The following SPAG17 variants were observed in gnomAD, a reference collection of about 807,000 sequenced individuals.
SPAG17 encodes the protein sperm-associated antigen 17.
In SPAG17, 169 loss-of-function variants were observed where a neutral mutation model predicts 273.6. That is an observed-to-expected ratio of 0.62 (90% CI 0.55 to 0.70). SPAG17 has a LOEUF of 0.70. SPAG17 is among the 30% of genes least tolerant of loss of function. The pLI is 0.00. For synonymous variants in SPAG17, 825 were observed against 873.2 expected (o/e 0.94, Z 0.97); for missense variants, 2,557 against 2,627.8 (o/e 0.97, Z 0.59).
chr1:118,041,819 G>C lies in SPAG17; in HGVS notation c.3038C>G (p.Pro1013Arg), dbSNP rs755648340. The C allele has an allele frequency of 6.2e-7, 1 of 1,611,032 alleles. No individual in the cohort carries two copies. Among genetic ancestry groups the C allele is most frequent in the Non-Finnish European group, 8.5e-7 (1 of 1,179,296 alleles). The change falls in exon 21 of 49, where the codon CCT becomes CGT. Residue 1013 changes from proline to arginine, a missense_variant. Physicochemically the swap from Pro to Arg is moderately radical, Grantham distance 103. Coordinates refer to ENST00000336338, the MANE Select transcript of SPAG17 (RefSeq NM_206996.4). ...VTEESPHQPE[P>R]KITYPFHGYN... is the part of the protein sequence containing the mutation. Reference sequence around the variant, plus strand: ...GGAGTTTACCGGGTAAGTTATCTTAGGTTCTGGTTGGTGGGGGGACTCTTC... The same window carrying C: ...GGAGTTTACCGGGTAAGTTATCTTACGTTCTGGTTGGTGGGGGGACTCTTC...
chr1:117,996,109 G>A (rs1021829199), intron 34 of SPAG17, among the ~76,000 whole-genome samples: 3 of 152,070 alleles, frequency 2.0e-5, no homozygotes, highest in East Asian at 1.9e-4. Flanking sequence ...ACAAATCTGC[G>A]TATAGGAGAA....
At chr1:118,039,594 T>C (rs1649500259) in intron 22 of SPAG17, 150 bp from the exon 23 acceptor site, 3 of 777,398 alleles carry the variant, frequency 3.9e-6, no homozygotes, top group African/African-American at 3.5e-5. Flanking sequence ...CAGCTAAACA[T>C]TGAGCACACA....
chr1:118,066,837 G>T lies in SPAG17; in HGVS notation c.2448C>A (p.Asn816Lys). 1.2e-6 allele frequency: 2 copies of T among 1,613,882 alleles called. No homozygotes were observed. Among genetic ancestry groups the T allele is most frequent in the Non-Finnish European group, 1.7e-6 (2 of 1,179,840 alleles). The part of the protein sequence containing the change: ...CVDSYYHTQD[N>K]SLLLVFHNPM... ...GATTGTGAAAGACTAAAAGTAAAGA[G>T]TTGTCTTGGGTGTGGTAGTAAGAAT... is the stretch of plus-strand genomic sequence containing the variant. Residue 816 changes from asparagine (N) to lysine (K), a missense_variant, in exon 18 of 49, where the codon AAC (asparagine) becomes AAA (lysine). Physicochemically the swap from Asn to Lys is moderately conservative, Grantham distance 94. Transcript: ENST00000336338.
intron 3 of SPAG17, among the ~76,000 whole-genome samples, chr1:118,143,217 A>G (rs142402211): frequency 1.9e-3 from 293 of 152,354 alleles, no homozygotes; most frequent in African/African-American, 6.9e-3. Context: ...TTAAAGCTTA[A>G]TTCTAAGTAA....
chr1:118,085,876 CCATTA>C (rs1379890945), intron 13 of SPAG17, 41 bp downstream of exon 13: 19 of 1,520,776 alleles, frequency 1.2e-5, no homozygotes, highest in Non-Finnish European at 1.7e-5. Flanking sequence ...GCATATATGA[CCATTA>C]ATTAAATTGA....
At chr1:118,030,456 T>C (rs1307264690) in intron 25 of SPAG17, among the ~76,000 whole-genome samples, 2 of 152,098 alleles carry the variant, frequency 1.3e-5, no homozygotes, top group Non-Finnish European at 2.9e-5. Flanking sequence ...GGGATACATG[T>C]GCAGAATGTG....
intron 48 of SPAG17, chr1:117,960,109 CGTGTGTG>C (rs1213064724): frequency 2.8e-5 from 4 of 144,406 alleles, no homozygotes; most frequent in South Asian, 4.5e-4. Context: ...TTAATACACT[CGTGTGTG>C]TGTGTGTGTG....
intron 32 of SPAG17, among the ~76,000 whole-genome samples, chr1:117,998,696 G>A (rs1328302947): frequency 1.3e-5 from 2 of 152,036 alleles, no homozygotes; most frequent in Non-Finnish European, 2.9e-5. Flanking sequence ...ATCATGGAAT[G>A]TTTTCCCATT....
At chr1:118,125,241 A>ATATG (rs1446172321) in intron 3 of SPAG17, among the ~76,000 whole-genome samples, 1 of 146,508 alleles carries the variant, frequency 6.8e-6, no homozygotes, top group Non-Finnish European at 1.5e-5. Flanking sequence ...ATATATATAT[A>ATATG]TATATTTTTG....
chr1:118,184,100 G>A (rs1308134262), intron 1 of SPAG17, among the ~76,000 whole-genome samples: 1 of 151,858 alleles, frequency 6.6e-6, no homozygotes, highest in Non-Finnish European at 1.5e-5. Flanking sequence ...CAGTTATAGT[G>A]GAAAATAAAG....
chr1:118,163,118 T>C (rs558982449), intron 1 of SPAG17, among the ~76,000 whole-genome samples: 1 of 152,300 alleles, frequency 6.6e-6, no homozygotes, highest in Non-Finnish European at 1.5e-5. Context: ...AAGAAAATAA[T>C]TTTTTGTGAG....
chr1:118,116,456 G>A (rs889719761), intron 3 of SPAG17, among the ~76,000 whole-genome samples: 4 of 152,082 alleles, frequency 2.6e-5, no homozygotes, highest in Non-Finnish European at 5.9e-5. Context: ...AATCACTCCT[G>A]GGGCGCATAT....
intron 1 of SPAG17, among the ~76,000 whole-genome samples, chr1:118,174,264 T>A (rs1660574957): frequency 6.6e-6 from 1 of 151,764 alleles, no homozygotes; most frequent in African/African-American, 2.4e-5. Context: ...AATGAGAATA[T>A]CAACAAAAAG....
At chr1:118,085,528 G>T (rs894498799) in intron 13 of SPAG17, among the ~76,000 whole-genome samples, 1 of 151,936 alleles carries the variant, frequency 6.6e-6, no homozygotes, top group Admixed American at 6.5e-5. Flanking sequence ...GTGCATACGC[G>T]TGCGCGCGCG....
intron 1 of SPAG17, among the ~76,000 whole-genome samples, chr1:118,179,390 G>A (rs769995589): frequency 2.8e-4 from 42 of 152,020 alleles, no homozygotes; most frequent in Non-Finnish European, 6.0e-4. Context: ...ATATCCATAT[G>A]CAGAAGAATG....
intron 48 of SPAG17, chr1:117,963,255 A>T (rs958341043): frequency 2.6e-5 from 4 of 152,186 alleles, no homozygotes; most frequent in African/African-American, 9.7e-5. Context: ...ATATAATGGG[A>T]TGTGTCTTCC....
At chr1:118,047,593 A>G (rs1650510190) in intron 20 of SPAG17, among the ~76,000 whole-genome samples, 1 of 152,140 alleles carries the variant, frequency 6.6e-6, no homozygotes, top group Non-Finnish European at 1.5e-5. Context: ...GACAGTCCTC[A>G]GATCCCAGAC....
At chr1:117,962,085 G>C (rs1009365189) in intron 48 of SPAG17, 1 of 151,460 alleles carries the variant, frequency 6.6e-6, no homozygotes. Context: ...TATGTTAAAA[G>C]TTGCTGTTTT....
intron 3 of SPAG17, among the ~76,000 whole-genome samples, chr1:118,123,784 C>T (rs1185745606): frequency 2.6e-5 from 4 of 152,296 alleles, no homozygotes; most frequent in Middle Eastern, 3.4e-3. Context: ...TTCAAGACTA[C>T]ATAAAAGTTG....
Sources: allele counts gnomAD v4.1 joint callset (sites outside exome capture counted in the v4.1 genomes callset), GRCh38; gene constraint gnomAD v4.1.1; transcripts MANE v1.5; gene names NCBI Gene and HGNC (gene_info 2026-07-23, HGNC 2026-07-21).